Variants in RASGRF2 observed in about 807,000 individuals in gnomAD.
RASGRF2 encodes ras-specific guanine nucleotide-releasing factor 2.
Under a neutral mutation model 151.0 loss-of-function variants are expected in RASGRF2, and 76 were observed. The observed-to-expected ratio is 0.50, with a 90% CI of 0.42 to 0.61. RASGRF2 has a LOEUF of 0.61. Ranked by LOEUF, RASGRF2 falls within the 20% of genes least tolerant of loss-of-function variation. The pLI, the probability that RASGRF2 is intolerant of heterozygous loss-of-function variation, is 0.00. For synonymous variants in RASGRF2, 504 were observed against 566.5 expected (o/e 0.89, Z 1.57); for missense variants, 1,148 against 1,564.6 (o/e 0.73, Z 4.49).
intron 12 of RASGRF2, among the ~76,000 whole-genome samples, chr5:81,102,119 G>A (rs967599181): frequency 6.6e-6 from 1 of 152,090 alleles, no homozygotes; most frequent in Non-Finnish European, 1.5e-5. Context: ...CAGAAACAAG[G>A]GAATTTAAAG....
At chr5:81,099,524 A>G (rs1752637995) in intron 12 of RASGRF2, among the ~76,000 whole-genome samples, 1 of 152,036 alleles carries the variant, frequency 6.6e-6, no homozygotes, top group African/African-American at 2.4e-5. Context: ...AAGCCTGATC[A>G]CTCTCCTTAT....
chr5:81,111,180 A>G (rs1467659003), intron 13 of RASGRF2, among the ~76,000 whole-genome samples: 2 of 152,230 alleles, frequency 1.3e-5, no homozygotes, highest in African/African-American at 4.8e-5. Context: ...TTAGCAAGCA[A>G]TTGGCTCACT....
intron 2 of RASGRF2, among the ~76,000 whole-genome samples, chr5:81,044,348 T>A (rs1337423549): frequency 1.3e-5 from 2 of 151,846 alleles, no homozygotes; most frequent in Non-Finnish European, 2.9e-5. Flanking sequence ...GACCTGGGAG[T>A]TGGAGGATAC....
intron 25 of RASGRF2, among the ~76,000 whole-genome samples, chr5:81,217,985 G>T (rs1580415147): frequency 6.6e-6 from 1 of 152,090 alleles, no homozygotes; most frequent in East Asian, 1.9e-4. Context: ...CTCGTGATCT[G>T]CCCGCCTGGG....
intron 9 of RASGRF2, chr5:81,087,210 C>T (rs1415243221): frequency 5.7e-6 from 4 of 703,024 alleles, no homozygotes; most frequent in South Asian, 1.5e-5. Context: ...TCCTCCTCAG[C>T]GGCCCGGACA....
intron 1 of RASGRF2, among the ~76,000 whole-genome samples, chr5:81,040,125 T>A (rs1360587399): frequency 1.3e-5 from 2 of 152,150 alleles, no homozygotes; most frequent in Non-Finnish European, 2.9e-5. Context: ...CACCTCAGCC[T>A]CCTGAGTAGC....
chr5:81,023,061 G>A (rs572354376), intron 1 of RASGRF2, among the ~76,000 whole-genome samples: 3 of 140,672 alleles, frequency 2.1e-5, no homozygotes, highest in African/African-American at 7.6e-5. Context: ...GACAAGAGAA[G>A]GAATAGTTGT....
intron 26 of RASGRF2, among the ~76,000 whole-genome samples, chr5:81,220,093 T>C (rs1755826797): frequency 6.6e-6 from 1 of 152,180 alleles, no homozygotes; most frequent in South Asian, 2.1e-4. Flanking sequence ...GCAAAATTCA[T>C]TCTACAAATT....
chr5:81,029,258 T>C (rs1377536761), intron 1 of RASGRF2, among the ~76,000 whole-genome samples: 1 of 152,226 alleles, frequency 6.6e-6, no homozygotes, highest in African/African-American at 2.4e-5. Context: ...CAGAAACTTC[T>C]GCAGACTTAA....
chr5:81,107,270 G>A (rs984707741), intron 12 of RASGRF2, among the ~76,000 whole-genome samples: 5 of 152,004 alleles, frequency 3.3e-5, no homozygotes, highest in Non-Finnish European at 7.4e-5. Context: ...GCTGAGGTAG[G>A]AGGATCACTT....
At chr5:81,023,286 A>G (rs752688347) in intron 1 of RASGRF2, among the ~76,000 whole-genome samples, 2 of 152,210 alleles carry the variant, frequency 1.3e-5, no homozygotes, top group Non-Finnish European at 2.9e-5. Flanking sequence ...TAAAGACACA[A>G]ACAAGGTCAT....
At chr5:81,042,161 CT>C (rs1310716734) in intron 1 of RASGRF2, among the ~76,000 whole-genome samples, 1 of 152,098 alleles carries the variant, frequency 6.6e-6, no homozygotes, top group East Asian at 1.9e-4. Context: ...TATTTTACCC[CT>C]GATAAATGCC....
chr5:81,161,188 G>T (rs543585893), intron 17 of RASGRF2, among the ~76,000 whole-genome samples: 2 of 152,324 alleles, frequency 1.3e-5, no homozygotes, highest in African/African-American at 4.8e-5. Context: ...CTGAGCCTCA[G>T]ATGGGTCAAG....
Position 81,127,264 on chromosome 5 carries a change from C to G in RASGRF2, c.2686+101C>G. On this transcript the variant is annotated intron_variant, in intron 17 of 26. Coordinates refer to ENST00000265080, the MANE Select transcript of RASGRF2 (RefSeq NM_006909.3). ...GATGAGACACTCGGCAGCTCTCACA[C>G]TGGAATCCCAGCATTTTGGGAAGCC... 4 of 1,223,256 alleles carry G rather than the reference C, an allele frequency of 3.3e-6. No individual in the cohort carries two copies. The South Asian group carries it at 5.8e-5, about 18-fold the overall frequency. 75.8% of individuals were successfully genotyped at this position (1,223,256 alleles called of 1,614,324 possible).
In RASGRF2 at chr5:81,068,129, C is replaced by T. The variant is rs1308354534; in HGVS notation, c.493C>T (p.Arg165Ter). 4 of 1,613,360 alleles carry T rather than the reference C, an allele frequency of 2.5e-6. No homozygotes were observed. The highest frequency in any genetic ancestry group is 1.1e-5 in the South Asian group (1 of 90,872). The change falls in exon 3 of 27, where the codon CGA (arginine) becomes TGA (stop). Residue 165 changes from arginine to a stop codon, truncating the protein, a stop_gained. Transcript: ENST00000265080. LOFTEE classifies it high-confidence loss of function. The stretch of plus-strand genomic sequence containing the variant: ...AGAAAAAATTGCAGCTAACCAACTC[C>T]GACATCAACTTGAAGATCAAGACAC... ...ETEKIAANQL[R>*]HQLEDQDTEI...
rs760437454 is a variant in RASGRF2, at chr5:81,113,746, C to CCCA, written c.2308_2310dup (p.Thr770dup). 9.9e-6 allele frequency: 16 copies of CCCA among 1,614,044 alleles called. No individual in the cohort carries two copies. The highest frequency in any genetic ancestry group is 1.6e-4 in the Middle Eastern group (1 of 6,062). On this transcript the variant is annotated inframe_insertion, in exon 15 of 27. Coordinates refer to ENST00000265080, the MANE Select transcript of RASGRF2 (RefSeq NM_006909.3). The stretch of plus-strand genomic sequence containing the variant: ...ATTGGACCTGACAACTTCCAGCAGT[C>CCCA]CCACCACCACCACCCAGAGTCCCGC...
chr5:81,141,276 A>G (rs895021244), intron 17 of RASGRF2, among the ~76,000 whole-genome samples: 5 of 151,998 alleles, frequency 3.3e-5, no homozygotes, highest in African/African-American at 1.2e-4. Flanking sequence ...TATTCCTTTT[A>G]CTGGGTGATT....
At chr5:81,151,435 A>G (rs1025384944) in intron 17 of RASGRF2, among the ~76,000 whole-genome samples, 13 of 142,608 alleles carry the variant, frequency 9.1e-5, no homozygotes, top group African/African-American at 2.1e-4. Context: ...CCCAGGCTGG[A>G]GTGCAGTGGT....
At chr5:81,100,172 G>T (rs1752662732) in intron 12 of RASGRF2, among the ~76,000 whole-genome samples, 1 of 152,098 alleles carries the variant, frequency 6.6e-6, no homozygotes, top group Admixed American at 6.5e-5. Context: ...CTTCCAAAGT[G>T]CTGGGATTAC....
Sources: allele counts gnomAD v4.1 joint callset (sites outside exome capture counted in the v4.1 genomes callset), GRCh38; gene constraint gnomAD v4.1.1; transcripts MANE v1.5; gene names NCBI Gene and HGNC (gene_info 2026-07-23, HGNC 2026-07-21).